UBTF: variants seen among roughly 807,000 people sequenced by gnomAD.
UBTF encodes upstream binding transcription factor, also known as nucleolar transcription factor 1.
UBTF carries 8 observed loss-of-function variants against 112.3 expected under a neutral mutation model. The ratio of observed to expected loss-of-function variants is 0.07; its 90% CI spans 0.04 to 0.13. UBTF has a LOEUF of 0.13. Ranked by LOEUF, UBTF falls within the 10% of genes least tolerant of loss-of-function variation. UBTF has a pLI of 1.00. For missense variants in UBTF, 457 were observed against 982.1 expected (o/e 0.47, Z 7.15); for synonymous variants, 417 against 373.1 (o/e 1.12, Z -1.36).
intron 3 of UBTF, 32 bp from the exon 4 acceptor site, chr17:44,216,021 T>G: frequency 6.3e-7 from 1 of 1,580,238 alleles, no homozygotes; most frequent in African/African-American, 1.3e-5. Flanking sequence ...GAAGGGGAAG[T>G]TGGGAAAAGG....
At position 44,207,164 on chromosome 17, in the gene UBTF, T is replaced by TG. The variant is rs966720238; in HGVS notation, c.*77dup. 6.6e-7 allele frequency: 1 copy of TG among 1,507,052 alleles called. No individual in the cohort carries two copies. Among genetic ancestry groups the TG allele is most frequent in the African/African-American group, 1.4e-5 (1 of 71,212 alleles). 93.4% of individuals were successfully genotyped at this position (1,507,052 alleles called of 1,614,324 possible). A position where few individuals can be genotyped will look rare whatever the true frequency, so the allele number is the denominator to read the frequency against. On this transcript the variant is annotated 3_prime_UTR_variant, in exon 21 of 21. Transcript: ENST00000436088. ...GGCCAGGGGGGCAAGGGACAGAACA[T>TG]GGGGGAGAAACAAAGGTGGTCAGTT...
At chr17:44,216,825 C>T in intron 2 of UBTF, 121 bp from the exon 3 acceptor site, 1 of 976,062 alleles carries the variant, frequency 1.0e-6, no homozygotes, top group African/African-American at 1.6e-5. Flanking sequence ...TGCTTCCCAT[C>T]TGAAGGCACA....
chr17:44,212,697 G>C, intron 7 of UBTF, 122 bp downstream of exon 7: 1 of 1,522,770 alleles, frequency 6.6e-7, no homozygotes, highest in Non-Finnish European at 8.9e-7. Flanking sequence ...TGTCCATGCA[G>C]CCCACCCCTG....
chr17:44,210,709 G>A, intron 13 of UBTF, 83 bp downstream of exon 13: 2 of 1,525,470 alleles, frequency 1.3e-6, no homozygotes, highest in South Asian at 1.2e-5. Context: ...GGCGGCCAGG[G>A]GCGAGGTGGC....
At chr17:44,218,480 C>CA (rs1461181562) in intron 1 of UBTF, 184 bp from the exon 2 acceptor site, 1 of 484,168 alleles carries the variant, frequency 2.1e-6, no homozygotes, top group African/African-American at 2.1e-5. Context: ...CCCCCTCCCC[C>CA]AGCCCCTGCA....
upstream of UBTF, among the ~76,000 whole-genome samples, chr17:44,220,063 C>T (rs1470816913): frequency 2.8e-5 from 3 of 107,856 alleles, no homozygotes; most frequent in Admixed American, 2.2e-4. Flanking sequence ...GCTGCTGCTG[C>T]TGCTGCTGCC....
In UBTF at chr17:44,211,249, C is replaced by G. The variant is rs919950819; in HGVS notation, c.1089+41G>C. 2.5e-6 allele frequency: 4 copies of G among 1,614,036 alleles called. No homozygotes were observed. Among genetic ancestry groups the G allele is most frequent in the Non-Finnish European group, 3.4e-6 (4 of 1,180,036 alleles). On this transcript the variant is annotated intron_variant, in intron 11 of 20. Coordinates refer to ENST00000436088, the MANE Select transcript of UBTF (RefSeq NM_014233.4). This position sits in a 1 kb window ranked among gnomAD's most constrained non-coding sequence, Gnocchi z 4.9. ...TCACCAGGGCTCTGCCTGCCAAGTC[C>G]CAGTCTTCTCTGCCCACTGCCCCAC...
At chr17:44,220,434 C>G (rs917210420), upstream of UBTF, among the ~76,000 whole-genome samples, 1 of 152,196 alleles carries the variant, frequency 6.6e-6, no homozygotes, top group Non-Finnish European at 1.5e-5. Flanking sequence ...GGCGCACGCA[C>G]GCCGATCGCG....
At chr17:44,210,685 C>T (rs1263115569) in intron 13 of UBTF, 107 bp downstream of exon 13, 1 of 1,472,246 alleles carries the variant, frequency 6.8e-7, no homozygotes, top group Non-Finnish European at 9.0e-7. Context: ...CCAGCCCAGG[C>T]ACCGCGTGGC....
At chr17:44,220,110 A>G (rs2047107182), upstream of UBTF, among the ~76,000 whole-genome samples, 1 of 134,978 alleles carries the variant, frequency 7.4e-6, no homozygotes. Context: ...GGGCAGGGAG[A>G]CACGCAGCCG....
chr17:44,214,611 T>G (rs2046754147), intron 5 of UBTF, among the ~76,000 whole-genome samples: 1 of 151,098 alleles, frequency 6.6e-6, no homozygotes, highest in Admixed American at 6.6e-5. Context: ...GTTCCAGCAA[T>G]CCATACCCCT....
chr17:44,207,833 T>TA (rs1354916007), intron 18 of UBTF, 31 bp downstream of exon 18: 5 of 1,613,880 alleles, frequency 3.1e-6, no homozygotes, highest in Non-Finnish European at 4.2e-6. Context: ...CCCCCACCCC[T>TA]ACCCCACTGC....
At chr17:44,209,988 G>C in intron 15 of UBTF, 136 bp downstream of exon 15, 1 of 965,298 alleles carries the variant, frequency 1.0e-6, no homozygotes, top group Non-Finnish European at 1.6e-6. Context: ...ACTGATGAGA[G>C]ACAGAGGTTC....
upstream of UBTF, among the ~76,000 whole-genome samples, chr17:44,220,361 C>T (rs943613981): frequency 6.6e-6 from 1 of 151,926 alleles, no homozygotes; most frequent in East Asian, 1.9e-4. Flanking sequence ...CAGCTCTCTC[C>T]CGCCTCCCGG....
intron 5 of UBTF, among the ~76,000 whole-genome samples, chr17:44,213,923 C>T (rs1463837059): frequency 6.6e-6 from 1 of 152,088 alleles, no homozygotes; most frequent in Non-Finnish European, 1.5e-5. Context: ...CCCTCCCTCC[C>T]TCAGCCCACT....
upstream of UBTF, among the ~76,000 whole-genome samples, chr17:44,220,029 G>A (rs2047096678): frequency 6.8e-6 from 1 of 147,720 alleles, no homozygotes; most frequent in Non-Finnish European, 1.5e-5. Context: ...GGGGGTGGTG[G>A]TGGTGGTGCT....
At chr17:44,212,736 C>T (rs962749568) in intron 7 of UBTF, 83 bp downstream of exon 7, 12 of 1,581,302 alleles carry the variant, frequency 7.6e-6, no homozygotes, top group African/African-American at 1.3e-5. Context: ...TGCTCCCCTG[C>T]ACCGTGCCCG....
Position 44,212,356 on chromosome 17 carries a change from C to T in UBTF, c.759G>A (p.Arg253=). ...LKWIHKALEQ[R]KEYEEIMRDY... is the part of the protein sequence containing the mutation. ...GCGGAAGCCTAACCTCGTACTCCTT[C>T]CGCTGCTCCAGGGCCTTATGAATCC... The change falls in exon 8 of 21, where the codon CGG becomes CGA. Residue 253 remains arginine, a synonymous_variant. Coordinates refer to ENST00000436088, the MANE Select transcript of UBTF (RefSeq NM_014233.4). 6.2e-7 allele frequency: 1 copy of T among 1,613,202 alleles called. No homozygotes were observed. Among genetic ancestry groups the T allele is most frequent in the Non-Finnish European group, 8.5e-7 (1 of 1,179,870 alleles).
intron 15 of UBTF, 49 bp downstream of exon 15, chr17:44,210,075 G>GAA: frequency 6.3e-7 from 1 of 1,596,612 alleles, no homozygotes; most frequent in East Asian, 2.2e-5. Flanking sequence ...CAACCAAAGG[G>GAA]GAGTTCCCGA....
Sources: gnomAD v4.1 joint callset for allele counts (sites outside exome capture counted in the v4.1 genomes callset) on GRCh38, gnomAD v4.1.1 for gene constraint, Gnocchi (gnomAD v3.1) non-coding constraint, MANE v1.5 for transcripts, NCBI Gene and HGNC (gene_info 2026-07-23, HGNC 2026-07-21) for gene names.